The following LDAH variants were observed in gnomAD, a reference collection of about 807,000 sequenced individuals.
LDAH encodes lipid droplet associated hydrolase, also known as lipid droplet-associated hydrolase.
Under a neutral mutation model 29.6 loss-of-function variants are expected in LDAH, and 26 were observed. The observed-to-expected ratio is 0.88, with a 90% CI of 0.64 to 1.22. The LOEUF (loss-of-function observed/expected upper bound fraction) is 1.22. Ranked by LOEUF, LDAH falls within the 50% of genes most tolerant of loss-of-function variation. The probability of loss-of-function intolerance (pLI) is 0.00; values close to 1 mark genes in which losing one functional copy is unlikely to be tolerated. For missense variants in LDAH, 344 were observed against 387.3 expected (o/e 0.89, Z 0.94); for synonymous variants, 117 against 133.0 (o/e 0.88, Z 0.83).
chr2:20,708,671 G>C (rs1211296788), intron 5 of LDAH, among the ~76,000 whole-genome samples: 1 of 152,096 alleles, frequency 6.6e-6, no homozygotes, highest in African/African-American at 2.4e-5. Context: ...CATGACATAG[G>C]AAATAAATTC....
chr2:20,785,235 T>C (rs1457987667), intron 3 of LDAH, among the ~76,000 whole-genome samples: 2 of 152,242 alleles, frequency 1.3e-5, no homozygotes, highest in Admixed American at 6.5e-5. Context: ...GCATAGGATG[T>C]TTCCAGCAAC....
chr2:20,732,445 A>G (rs1168165407), intron 5 of LDAH, among the ~76,000 whole-genome samples: 1 of 152,154 alleles, frequency 6.6e-6, no homozygotes, highest in Non-Finnish European at 1.5e-5. Context: ...TATTTAAAAA[A>G]TAGGTAGAAT....
chr2:20,791,001 G>A (rs374509272), intron 2 of LDAH, among the ~76,000 whole-genome samples: 1 of 152,264 alleles, frequency 6.6e-6, no homozygotes, highest in African/African-American at 2.4e-5. Context: ...TCTATATAAA[G>A]TCTTCACAGC....
Position 20,685,168 on chromosome 2 carries a change from A to C in LDAH, c.*1735T>G. ...AAAACCAGAAATAAGACACAATTTC[A>C]TACGTGCAGACTTTTGAAATATGGA... On this transcript the variant is annotated 3_prime_UTR_variant, in exon 7 of 7. Coordinates refer to ENST00000237822, the MANE Select transcript of LDAH (RefSeq NM_021925.4). 1 of 511,560 alleles carries C rather than the reference A, an allele frequency of 2.0e-6. No homozygotes were observed. Among genetic ancestry groups the C allele is most frequent in the East Asian group, 3.2e-5 (1 of 30,966 alleles). The allele number at this position is 511,560 out of a possible 1,614,324, so 31.7% of individuals were successfully genotyped here.
chr2:20,799,793 C>A (rs1164256726), intron 2 of LDAH, among the ~76,000 whole-genome samples: 20 of 151,064 alleles, frequency 1.3e-4, no homozygotes, highest in Admixed American at 1.3e-3. Flanking sequence ...CTAATGAAGC[C>A]AAAAAATATA....
intron 5 of LDAH, among the ~76,000 whole-genome samples, chr2:20,723,143 T>C (rs966354016): frequency 6.6e-6 from 1 of 152,220 alleles, no homozygotes; most frequent in Non-Finnish European, 1.5e-5. Context: ...AGTGCATTCA[T>C]CCAGTGGAAA....
intron 2 of LDAH, among the ~76,000 whole-genome samples, chr2:20,800,759 G>A (rs1412277165): frequency 1.3e-5 from 2 of 151,916 alleles, no homozygotes; most frequent in Non-Finnish European, 2.9e-5. Flanking sequence ...TCAGCCTCCC[G>A]AGTAGCTGGG....
At chr2:20,752,186 C>G (rs1668015102) in intron 4 of LDAH, among the ~76,000 whole-genome samples, 1 of 148,814 alleles carries the variant, frequency 6.7e-6, no homozygotes, top group Non-Finnish European at 1.5e-5. Flanking sequence ...GCCACTGTGC[C>G]TGGTCAAGAC....
Position 20,685,603 on chromosome 2 carries a change from A to G in LDAH, c.*1300T>C, listed in dbSNP as rs1662503031. 4.5e-6 allele frequency: 7 copies of G among 1,550,382 alleles called. No individual in the cohort carries two copies. Among genetic ancestry groups the G allele is most frequent in the East Asian group, 2.4e-5 (1 of 40,918 alleles). ...TTTCATCAGGGGGCTTTAGGATTTGAGCGGAGGGACATCTCATTGTCCTTA... is the reference window on the plus strand; with the variant it reads ...TTTCATCAGGGGGCTTTAGGATTTGGGCGGAGGGACATCTCATTGTCCTTA... On this transcript the variant is annotated 3_prime_UTR_variant, in exon 7 of 7. Coordinates refer to ENST00000237822, the MANE Select transcript of LDAH (RefSeq NM_021925.4).
At position 20,686,788 on chromosome 2, in the gene LDAH, G is replaced by C. The variant is rs1005612654; in HGVS notation, c.*115C>G. Reference sequence around the variant, plus strand: ...CGGAGAGTTGGTTTGTAAGACAAAGGTTCTCACTTTCTTCATTTCTAATAT... The same window carrying C: ...CGGAGAGTTGGTTTGTAAGACAAAGCTTCTCACTTTCTTCATTTCTAATAT... On this transcript the variant is annotated 3_prime_UTR_variant, in exon 7 of 7. Coordinates refer to ENST00000237822, the MANE Select transcript of LDAH (RefSeq NM_021925.4). The C allele has an allele frequency of 1.0e-6, 1 of 968,582 alleles. No homozygotes were observed. The highest frequency in any genetic ancestry group is 2.6e-5 in the East Asian group (1 of 39,208). 60.0% of individuals were successfully genotyped at this position (968,582 alleles called of 1,614,324 possible). A position where few individuals can be genotyped will look rare whatever the true frequency, so the allele number is the denominator to read the frequency against.
intron 5 of LDAH, among the ~76,000 whole-genome samples, chr2:20,738,171 G>C (rs1489701402): frequency 2.0e-5 from 3 of 151,598 alleles, no homozygotes; most frequent in Non-Finnish European, 2.9e-5. Flanking sequence ...AGAATCACTT[G>C]AACCTGGGAA....
At chr2:20,696,244 C>T (rs544669677) in intron 6 of LDAH, among the ~76,000 whole-genome samples, 1 of 152,298 alleles carries the variant, frequency 6.6e-6, no homozygotes, top group Non-Finnish European at 1.5e-5. Context: ...TTGCATGCCC[C>T]AATCTGCAAA....
intron 5 of LDAH, among the ~76,000 whole-genome samples, chr2:20,713,955 A>G (rs1398699189): frequency 6.6e-6 from 1 of 152,202 alleles, no homozygotes. Flanking sequence ...CCCCACTGTC[A>G]ATATTAGACA....
chr2:20,787,925 T>TA (rs1670668693), intron 3 of LDAH, among the ~76,000 whole-genome samples: 1 of 152,216 alleles, frequency 6.6e-6, no homozygotes, highest in African/African-American at 2.4e-5. Context: ...TCTGAGCTAT[T>TA]ACACAAAGTA....
intron 1 of LDAH, among the ~76,000 whole-genome samples, chr2:20,812,640 A>T (rs1672573270): frequency 6.6e-6 from 1 of 152,326 alleles, no homozygotes; most frequent in South Asian, 2.1e-4. Context: ...CAATATCCAT[A>T]GGTAAGGAAA....
chr2:20,794,009 T>C (rs1671140207), intron 2 of LDAH, among the ~76,000 whole-genome samples: 1 of 152,068 alleles, frequency 6.6e-6, no homozygotes, highest in African/African-American at 2.4e-5. Context: ...GTTTTCATGC[T>C]GCTGATAAAG....
chr2:20,703,631 C>CAGTT (rs958090461), intron 5 of LDAH, among the ~76,000 whole-genome samples: 49 of 152,304 alleles, frequency 3.2e-4, no homozygotes, highest in African/African-American at 1.1e-3. Flanking sequence ...GTTTTCGTTA[C>CAGTT]AGTTACCTTT....
intron 4 of LDAH, among the ~76,000 whole-genome samples, chr2:20,750,111 C>T (rs1005435451): frequency 2.6e-5 from 4 of 151,700 alleles, no homozygotes; most frequent in Non-Finnish European, 4.4e-5. Flanking sequence ...CTGCAACCAC[C>T]ACCTCCTGGG....
rs1398313763 is a variant in LDAH, at chr2:20,801,381, C to T, written c.83G>A (p.Cys28Tyr). Residue 28 changes from cysteine to tyrosine, a missense_variant, in exon 2 of 7, where the codon TGT (cysteine) becomes TAT (tyrosine). By Grantham distance (194) the Cys-to-Tyr change is radical. Coordinates refer to ENST00000237822, the MANE Select transcript of LDAH (RefSeq NM_021925.4). ...CGGAETQVLK[C>Y]GPWTDLFHDQ... ...ATGAAAGAGGTCTGTCCAGGGCCCA[C>T]ATTTTAGAACCTGGGTTTCGGCTCC... 3.7e-6 allele frequency: 6 copies of T among 1,614,090 alleles called. No individual in the cohort carries two copies. In the South Asian group the frequency reaches 4.4e-5, roughly 12 times the overall value.
Sources: allele counts gnomAD v4.1 joint callset (sites outside exome capture counted in the v4.1 genomes callset), GRCh38; gene constraint gnomAD v4.1.1; transcripts MANE v1.5; gene names NCBI Gene and HGNC (gene_info 2026-07-23, HGNC 2026-07-21).